The following SNTG1 variants were observed in gnomAD, a reference collection of about 807,000 sequenced individuals.
SNTG1 encodes the protein gamma-1-syntrophin.
Under a neutral mutation model 74.7 loss-of-function variants are expected in SNTG1, and 39 were observed. That is an observed-to-expected ratio of 0.52 (90% CI 0.40 to 0.68). The LOEUF (loss-of-function observed/expected upper bound fraction) is 0.68, where lower values mean the gene tolerates loss of function less well. SNTG1 is among the 30% of genes least tolerant of loss of function. The pLI, the probability that SNTG1 is intolerant of heterozygous loss-of-function variation, is 0.00. For synonymous variants in SNTG1, 254 were observed against 217.1 expected (o/e 1.17, Z -1.49); for missense variants, 685 against 609.5 (o/e 1.12, Z -1.30).
chr8:50,012,145 T>A (rs79503102), intron 1 of SNTG1, among the ~76,000 whole-genome samples: 8,991 of 152,230 alleles, frequency 0.059, 312 homozygotes, highest in Middle Eastern at 0.099. Flanking sequence ...TTTTAAAAAG[T>A]GTTTTATTTC....
intron 1 of SNTG1, among the ~76,000 whole-genome samples, chr8:50,013,875 T>G (rs1458469175): frequency 2.6e-5 from 4 of 152,126 alleles, no homozygotes; most frequent in Non-Finnish European, 4.4e-5. Context: ...AAGTTTACAT[T>G]GGAGAAAACA....
chr8:50,618,898 T>TGG, intron 13 of SNTG1, among the ~76,000 whole-genome samples: 1 of 151,446 alleles, frequency 6.6e-6, no homozygotes, highest in Admixed American at 6.6e-5. Context: ...TATATGTGTG[T>TGG]GTGTGTGTGT....
At chr8:50,037,807 A>G (rs1818288728) in intron 1 of SNTG1, among the ~76,000 whole-genome samples, 1 of 152,212 alleles carries the variant, frequency 6.6e-6, no homozygotes, top group Admixed American at 6.5e-5. Context: ...GATATGGTAA[A>G]TACGTAATAA....
chr8:50,695,329 A>G (rs2095400577), intron 15 of SNTG1, among the ~76,000 whole-genome samples: 1 of 152,004 alleles, frequency 6.6e-6, no homozygotes, highest in Non-Finnish European at 1.5e-5. Flanking sequence ...AAAAAATCAA[A>G]CAATACCGTT....
intron 2 of SNTG1, among the ~76,000 whole-genome samples, chr8:50,369,242 T>G (rs1432691928): frequency 6.6e-6 from 1 of 152,180 alleles, no homozygotes; most frequent in African/African-American, 2.4e-5. Context: ...TTGGGAGGTA[T>G]CAAAGTGAAA....
At chr8:50,684,313 A>G (rs2095342990) in intron 15 of SNTG1, among the ~76,000 whole-genome samples, 1 of 152,220 alleles carries the variant, frequency 6.6e-6, no homozygotes, top group Non-Finnish European at 1.5e-5. Context: ...TAGAGTTCAA[A>G]TCTGGAAGAT....
At chr8:50,718,226 G>A (rs747223045) in intron 17 of SNTG1, among the ~76,000 whole-genome samples, 2 of 152,178 alleles carry the variant, frequency 1.3e-5, no homozygotes, top group Non-Finnish European at 2.9e-5. Context: ...AAAGGCAAGT[G>A]TGAAATCCCT....
chr8:50,720,063 C>T (rs1480641285), intron 17 of SNTG1, among the ~76,000 whole-genome samples: 1 of 152,102 alleles, frequency 6.6e-6, no homozygotes, highest in Non-Finnish European at 1.5e-5. Flanking sequence ...AGGCAACTGG[C>T]CCAATGATAA....
intron 11 of SNTG1, among the ~76,000 whole-genome samples, chr8:50,544,491 AT>A (rs2094371815): frequency 1.3e-5 from 2 of 151,942 alleles, no homozygotes; most frequent in African/African-American, 2.4e-5. Context: ...GAGAATGTAT[AT>A]TTTTTAAAAG....
chr8:50,718,639 G>A (rs12375352), intron 17 of SNTG1, among the ~76,000 whole-genome samples: 31,376 of 151,996 alleles, frequency 0.21, 3,356 homozygotes, highest in South Asian at 0.31. Flanking sequence ...TTTAGTCTCT[G>A]TATTGGGAAC....
At chr8:50,509,199 T>C (rs1458643951) in intron 9 of SNTG1, among the ~76,000 whole-genome samples, 1 of 152,200 alleles carries the variant, frequency 6.6e-6, no homozygotes, top group Non-Finnish European at 1.5e-5. Context: ...ATTGCTTGTT[T>C]TTGTCAGGTT....
intron 9 of SNTG1, among the ~76,000 whole-genome samples, chr8:50,506,789 G>A (rs1372677618): frequency 6.6e-6 from 1 of 151,898 alleles, no homozygotes; most frequent in African/African-American, 2.4e-5. Flanking sequence ...TTGAATTTGG[G>A]TGACTTTTAT....
intron 8 of SNTG1, among the ~76,000 whole-genome samples, chr8:50,489,727 C>G (rs77273172): frequency 0.041 from 6,266 of 152,280 alleles, 137 homozygotes; most frequent in Middle Eastern, 0.12. Flanking sequence ...TGTAGGTTGC[C>G]TGTTCATACC....
chr8:50,164,847 T>C (rs995372510), intron 1 of SNTG1, among the ~76,000 whole-genome samples: 1 of 152,222 alleles, frequency 6.6e-6, no homozygotes, highest in African/African-American at 2.4e-5. Flanking sequence ...TTAAATGGTA[T>C]GGCTATACAA....
chr8:50,318,079 G>A (rs527466821), intron 2 of SNTG1, among the ~76,000 whole-genome samples: 143 of 151,904 alleles, frequency 9.4e-4, no homozygotes, highest in African/African-American at 3.3e-3. Context: ...CTCGTGATCC[G>A]CCCGCCTTGA....
At chr8:50,441,652 C>A (rs1378741048) in intron 5 of SNTG1, among the ~76,000 whole-genome samples, 1 of 152,070 alleles carries the variant, frequency 6.6e-6, no homozygotes, top group Non-Finnish European at 1.5e-5. Flanking sequence ...GTCTAGTTTT[C>A]TTTCCATTAT....
intron 15 of SNTG1, among the ~76,000 whole-genome samples, chr8:50,674,671 C>G (rs992015029): frequency 4.6e-5 from 7 of 152,032 alleles, no homozygotes; most frequent in African/African-American, 1.7e-4. Flanking sequence ...TCCTTCAATT[C>G]TGCTCTGACC....
rs551648222 is a variant in SNTG1 at position 50,439,409 on chromosome 8, C to G, written c.219+810C>G. On this transcript the variant is annotated intron_variant, in intron 5 of 18. Transcript: ENST00000642720. ...GTACACATTGCTTGAAATTTCAACA[C>G]AACTCATGTCATATATTTATGGAAA... Among the ~76,000 whole-genome samples, 29 of 152,042 alleles carry G rather than the reference C, an allele frequency of 1.9e-4. 2 individuals carry two copies. The highest frequency in any genetic ancestry group is 6.3e-4 in the African/African-American group (26 of 41,510).
chr8:50,649,681 C>G (rs2095132497), intron 13 of SNTG1, among the ~76,000 whole-genome samples: 1 of 152,162 alleles, frequency 6.6e-6, no homozygotes, highest in Non-Finnish European at 1.5e-5. Flanking sequence ...TGAATACTTT[C>G]TCTAAGTTGA....
Sources: allele counts gnomAD v4.1 joint callset (sites outside exome capture counted in the v4.1 genomes callset), GRCh38; gene constraint gnomAD v4.1.1; transcripts MANE v1.5; gene names NCBI Gene and HGNC (gene_info 2026-07-23, HGNC 2026-07-21).